DEPDC5: variants seen among roughly 807,000 people sequenced by gnomAD.
DEPDC5 encodes DEP domain containing 5, GATOR1 subcomplex subunit, also known as GATOR1 complex protein DEPDC5.
DEPDC5 carries 73 observed loss-of-function variants against 217.3 expected under a neutral mutation model. The ratio of observed to expected loss-of-function variants is 0.34; its 90% CI spans 0.28 to 0.41. The LOEUF (loss-of-function observed/expected upper bound fraction) is 0.41, where lower values mean the gene tolerates loss of function less well. DEPDC5 is among the 10% of genes least tolerant of loss of function. DEPDC5 has a pLI of 1.00. For missense variants in DEPDC5, 1,675 were observed against 2,070.1 expected, an observed-to-expected ratio of 0.81 and a Z score of 3.70; for synonymous variants, 733 against 756.7, an observed-to-expected ratio of 0.97 and a Z score of 0.51.
intron 10 of DEPDC5, among the ~76,000 whole-genome samples, chr22:31,787,673 G>A (rs887812356): frequency 6.6e-6 from 1 of 152,032 alleles, no homozygotes; most frequent in African/African-American, 2.4e-5. Flanking sequence ...TTAGCTGGCT[G>A]CATTGGCAAA....
intron 7 of DEPDC5, among the ~76,000 whole-genome samples, chr22:31,773,899 C>G (rs1239000268): frequency 6.6e-6 from 1 of 152,066 alleles, no homozygotes; most frequent in South Asian, 2.1e-4. Context: ...TGGTGAAACC[C>G]TGTCTCTACT....
rs16989601 is a variant in DEPDC5 at position 31,880,252 on chromosome 22, A to G, written c.4033+500A>G. 8.4e-3 allele frequency: 1,375 copies of G among 164,144 alleles called. 66 individuals are homozygous for G. Among genetic ancestry groups the G allele is most frequent in the Admixed American group, 0.069 (1,225 of 17,738 alleles). The allele number at this position is 164,144 out of a possible 1,614,324, so 10.2% of individuals were successfully genotyped here. On this transcript the variant is annotated intron_variant, in intron 38 of 42. Coordinates refer to ENST00000651528, the MANE Select transcript of DEPDC5 (RefSeq NM_001242896.3). ...TGTGCTTACCATATTGAAGGATGTA[A>G]ACTGAAACACTTCCCTCCTTTCCAC...
chr22:31,836,854 A>T, intron 25 of DEPDC5, 118 bp from the exon 26 acceptor site: 1 of 912,778 alleles, frequency 1.1e-6, no homozygotes, highest in Non-Finnish European at 1.7e-6. Flanking sequence ...TGGCAATTTT[A>T]CCATCTTTCA....
At chr22:31,844,775 C>T (rs997809370) in intron 29 of DEPDC5, 30 of 336,216 alleles carry the variant, frequency 8.9e-5, no homozygotes, top group African/African-American at 5.7e-4. Context: ...AAGCTGGTCT[C>T]AACTCCTGAG....
At chr22:31,881,557 C>G (rs1269277272) in intron 38 of DEPDC5, among the ~76,000 whole-genome samples, 1 of 152,086 alleles carries the variant, frequency 6.6e-6, no homozygotes, top group Non-Finnish European at 1.5e-5. Context: ...TTCCAGCAAC[C>G]TAAACCACCT....
intron 30 of DEPDC5, among the ~76,000 whole-genome samples, chr22:31,845,649 C>T (rs1213037552): frequency 6.6e-6 from 1 of 152,086 alleles, no homozygotes; most frequent in African/African-American, 2.4e-5. Flanking sequence ...CACACACCAC[C>T]CAGTGCGGAG....
intron 31 of DEPDC5, among the ~76,000 whole-genome samples, chr22:31,850,168 A>G (rs1009816171): frequency 1.3e-5 from 2 of 152,194 alleles, no homozygotes; most frequent in Non-Finnish European, 2.9e-5. Context: ...TGAAGATTCC[A>G]TATAAAAATC....
In DEPDC5 at chr22:31,873,283, A is replaced by T. The variant is rs762159361; in HGVS notation, c.3514A>T (p.Thr1172Ser). 5 of 1,613,956 alleles carry T rather than the reference A, an allele frequency of 3.1e-6. No homozygotes were observed. The highest frequency in any genetic ancestry group is 1.3e-5 in the African/African-American group (1 of 74,980). ...TCAGCAGCTGGTGGCAAGCTCCTTG[A>T]CCTCATCCTCTACCCTGACAGAGAT... ...SSQQLVASSL[T>S]SSSTLTEILE... Residue 1172 changes from threonine to serine, a missense_variant, in exon 35 of 43, where the codon ACC (threonine) becomes TCC (serine). This residue lies in a region of DEPDC5 where 194 missense variants were observed against 199.3 expected (regional missense o/e 0.97). Transcript: ENST00000651528.
chr22:31,827,351 G>A (rs114394952), intron 24 of DEPDC5, among the ~76,000 whole-genome samples: 296 of 151,954 alleles, frequency 1.9e-3, no homozygotes, highest in African/African-American at 5.4e-3. Context: ...ACCATATATC[G>A]GACATTAATT....
chr22:31,905,997 C>G lies in DEPDC5; in HGVS notation c.4450C>G (p.Gln1484Glu). The change falls in exon 42 of 43, where the codon CAA becomes GAA. Residue 1484 changes from glutamine to glutamate, a missense_variant. Coordinates refer to ENST00000651528, the MANE Select transcript of DEPDC5 (RefSeq NM_001242896.3). ...EAIAHRFGFV[Q>E]DKYSASAFNF... ...GTCCTTCCCTAGGTTTGGGTTTGTA[C>G]AAGATAAATATTCTGCCTCTGCTTT... 1 of 1,614,138 alleles carries G rather than the reference C, an allele frequency of 6.2e-7. No homozygotes were observed. Among genetic ancestry groups the G allele is most frequent in the African/African-American group, 1.3e-5 (1 of 75,034 alleles).
At chr22:31,850,026 C>T (rs1476372491) in intron 31 of DEPDC5, among the ~76,000 whole-genome samples, 1 of 149,636 alleles carries the variant, frequency 6.7e-6, no homozygotes, top group Admixed American at 6.6e-5. Flanking sequence ...GGCTGAGGCA[C>T]GAGAATAGCT....
At chr22:31,874,466 C>T (rs1409285576) in intron 36 of DEPDC5, 61 bp downstream of exon 36, 4 of 1,528,536 alleles carry the variant, frequency 2.6e-6, no homozygotes, top group East Asian at 2.4e-5. Context: ...TCAGGGCCTG[C>T]CTTAGAAGCC....
At position 31,872,045 on chromosome 22, in the gene DEPDC5, C is replaced by T. The variant is rs552115468; in HGVS notation, c.3486-1210C>T. On this transcript the variant is annotated intron_variant, in intron 34 of 42. Transcript: ENST00000651528. ...AAACACTTCCAGTGATTTCTGGACC[C>T]TCTGAATAGTCATGAAGAGTAGTCT... is the stretch of plus-strand genomic sequence containing the variant. Among the ~76,000 whole-genome samples, 9 of 152,312 alleles carry T rather than the reference C, an allele frequency of 5.9e-5. 1 individual carries two copies. In the South Asian group the frequency reaches 1.2e-3, roughly 21 times the overall value.
intron 21 of DEPDC5, chr22:31,816,627 G>T (rs1226106233): frequency 6.6e-6 from 1 of 151,864 alleles, no homozygotes; most frequent in Non-Finnish European, 1.5e-5. Flanking sequence ...ATGGGGTTTT[G>T]CCGTGTTGGC....
chr22:31,790,380 T>G (rs2085475766), intron 10 of DEPDC5, among the ~76,000 whole-genome samples: 1 of 152,204 alleles, frequency 6.6e-6, no homozygotes, highest in Admixed American at 6.5e-5. Flanking sequence ...CAAGCCACTT[T>G]TGATGTTCAT....
chr22:31,771,715 T>TCACACACACACACACA (rs55851105), intron 7 of DEPDC5, among the ~76,000 whole-genome samples: 26 of 78,090 alleles, frequency 3.3e-4, no homozygotes, highest in East Asian at 7.5e-4. Flanking sequence ...CAAGACTCCG[T>TCACACACACACACACA]CACACACACA....
intron 20 of DEPDC5, among the ~76,000 whole-genome samples, chr22:31,812,028 T>C (rs900413627): frequency 6.6e-6 from 1 of 151,744 alleles, no homozygotes; most frequent in Non-Finnish European, 1.5e-5. Flanking sequence ...TTGCCCTGTC[T>C]CCTAGGCTGG....
intron 7 of DEPDC5, among the ~76,000 whole-genome samples, chr22:31,777,588 G>A (rs2084006329): frequency 6.6e-6 from 1 of 151,440 alleles, no homozygotes; most frequent in Admixed American, 6.6e-5. Context: ...CCTATATGTG[G>A]ACTCCCAGAT....
chr22:31,850,573 T>G (rs1248545662), intron 31 of DEPDC5, among the ~76,000 whole-genome samples: 1 of 152,220 alleles, frequency 6.6e-6, no homozygotes, highest in Admixed American at 6.5e-5. Context: ...AGACATCCAC[T>G]GGGGATCTTG....
Sources: allele counts gnomAD v4.1 joint callset (sites outside exome capture counted in the v4.1 genomes callset), GRCh38; gene constraint gnomAD v4.1.1; regional missense constraint gnomAD v4.1.1; transcripts MANE v1.5; gene names NCBI Gene and HGNC (gene_info 2026-07-23, HGNC 2026-07-21).